SUPT5H: variants seen among roughly 807,000 people sequenced by gnomAD.
The protein encoded by SUPT5H is SPT5 homolog, DSIF elongation factor subunit, also known as transcription elongation factor SPT5.
Under a neutral mutation model 142.5 loss-of-function variants are expected in SUPT5H, and 24 were observed. The ratio of observed to expected loss-of-function variants is 0.17; its 90% CI spans 0.12 to 0.24. SUPT5H has a LOEUF of 0.24. Among genes scored for constraint, SUPT5H ranks in the 10% least tolerant of loss-of-function variants. The pLI, the probability that SUPT5H is intolerant of heterozygous loss-of-function variation, is 1.00. For missense variants in SUPT5H, 893 were observed against 1,471.8 expected (o/e 0.61, Z 6.43); for synonymous variants, 546 against 553.0 (o/e 0.99, Z 0.18).
Position 39,459,540 on chromosome 19 carries a change from CT to C in SUPT5H, c.525-15del. The C allele has an allele frequency of 1.2e-6, 2 of 1,613,794 alleles. No individual in the cohort carries two copies. The highest frequency in any genetic ancestry group is 1.7e-6 in the Non-Finnish European group (2 of 1,179,870). ...AGATCCAGCTTCACTGAAGGCCTTC[CT>C]TTTCCTCTGCTGCTTAGGGATCCCA... On this transcript the variant is annotated intron_variant, in intron 8 of 29. Transcript: ENST00000432763.
rs182807379 is a variant in SUPT5H at position 39,455,490 on chromosome 19, A to T, written c.241+1969A>T. Among the ~76,000 whole-genome samples, 57 of 151,448 alleles carry T rather than the reference A, an allele frequency of 3.8e-4. No homozygotes were observed. In the East Asian group the frequency reaches 0.011, roughly 29 times the overall value. On this transcript the variant is annotated intron_variant, in intron 3 of 29. Coordinates refer to ENST00000432763, the MANE Select transcript of SUPT5H (RefSeq NM_001111020.3). The stretch of plus-strand genomic sequence containing the variant: ...GGCAGGAGAATTGCTTGAACCCGGG[A>T]GGTGGAGGTTGCAGTGAGCCGAGAT...
At chr19:39,465,336 C>T (rs1449299900) in intron 11 of SUPT5H, among the ~76,000 whole-genome samples, 41 of 152,174 alleles carry the variant, frequency 2.7e-4, no homozygotes, top group Non-Finnish European at 1.0e-4. Context: ...TAGGATGGCA[C>T]AGTCACTGGC....
In SUPT5H at chr19:39,466,658, G is replaced by T; in HGVS notation, c.967-17G>T. Reference sequence around the variant, plus strand: ...CCCCTCCCTCACCCTTCCCACCCATGCCCCTTTCCTCCATAGAAAGACTGG... The same window carrying T: ...CCCCTCCCTCACCCTTCCCACCCATTCCCCTTTCCTCCATAGAAAGACTGG... On this transcript the variant is annotated splice_polypyrimidine_tract_variant and intron_variant, in intron 12 of 29. Coordinates refer to ENST00000432763, the MANE Select transcript of SUPT5H (RefSeq NM_001111020.3). The surrounding 1 kb of genome is among the most constrained non-coding windows in gnomAD (Gnocchi z 4.3). 6.2e-7 allele frequency: 1 copy of T among 1,611,372 alleles called. No homozygotes were observed. The highest frequency in any genetic ancestry group is 8.5e-7 in the Non-Finnish European group (1 of 1,177,546).
chr19:39,470,044 C>G lies in SUPT5H; in HGVS notation c.1375-75C>G. 1 of 1,554,950 alleles carries G rather than the reference C, an allele frequency of 6.4e-7. No homozygotes were observed. Among genetic ancestry groups the G allele is most frequent in the South Asian group, 1.2e-5 (1 of 85,226 alleles). On this transcript the variant is annotated intron_variant, in intron 16 of 29. Transcript: ENST00000432763. The surrounding 1 kb of genome is among the most constrained non-coding windows in gnomAD (Gnocchi z 5.8). ...GGGTTTTTGAGAACATGCGTAGATT[C>G]TGAAGACAGGAGGGGCAGGCAGGTT...
At position 39,458,381 on chromosome 19, in the gene SUPT5H, C is replaced by A; in HGVS notation, c.319+76C>A. 6.2e-7 allele frequency: 1 copy of A among 1,601,086 alleles called. No homozygotes were observed. The highest frequency in any genetic ancestry group is 8.5e-7 in the Non-Finnish European group (1 of 1,173,494). On this transcript the variant is annotated intron_variant, in intron 5 of 29. Coordinates refer to ENST00000432763, the MANE Select transcript of SUPT5H (RefSeq NM_001111020.3). The surrounding 1 kb of genome is among the most constrained non-coding windows in gnomAD (Gnocchi z 4.2). ...TTTCCTCCTTCCTGAGGCACCTGCC[C>A]TCACCGGTAGCCTCCCCACCAGCCC...
Position 39,469,601 on chromosome 19 carries a change from G to C in SUPT5H, c.1374+203G>C. The C allele has an allele frequency of 1.5e-6, 1 of 675,114 alleles. No individual in the cohort carries two copies. Among genetic ancestry groups the C allele is most frequent in the South Asian group, 1.9e-5 (1 of 53,236 alleles). The allele number at this position is 675,114 out of a possible 1,614,324, so 41.8% of individuals were successfully genotyped here. ...GCAGCAGGCCTGCCTGGTGGTGTCTGTCTCTGGAGAGTGACTTGGTCTATC... is the reference window on the plus strand; with the variant it reads ...GCAGCAGGCCTGCCTGGTGGTGTCTCTCTCTGGAGAGTGACTTGGTCTATC... On this transcript the variant is annotated intron_variant, in intron 16 of 29. Coordinates refer to ENST00000432763, the MANE Select transcript of SUPT5H (RefSeq NM_001111020.3). This position sits in a 1 kb window ranked among gnomAD's most constrained non-coding sequence, Gnocchi z 5.1.
At chr19:39,465,080 G>A (rs1320225465) in intron 11 of SUPT5H, 31 bp downstream of exon 11, 1 of 1,596,158 alleles carries the variant, frequency 6.3e-7, no homozygotes, top group Admixed American at 1.7e-5. Flanking sequence ...TGGGGGTCAG[G>A]GTCCCTCCAT....
intron 10 of SUPT5H, 23 bp from the exon 11 acceptor site, chr19:39,464,775 C>T (rs1329365201): frequency 6.3e-7 from 1 of 1,577,218 alleles, no homozygotes; most frequent in Non-Finnish European, 8.7e-7. Context: ...ACTGTTTCCT[C>T]CTTCCACCGG....
chr19:39,458,768 C>G lies in SUPT5H; in HGVS notation c.320-50C>G. ...CTGCACGCTCCTATTTTCTCCAGGC[C>G]CCTGCCCTCCACCTGCCCTTGCTCA... On this transcript the variant is annotated intron_variant, in intron 5 of 29. Transcript: ENST00000432763. The surrounding 1 kb of genome is among the most constrained non-coding windows in gnomAD (Gnocchi z 4.2). The G allele has an allele frequency of 6.5e-7, 1 of 1,548,576 alleles. No homozygotes were observed. Among genetic ancestry groups the G allele is most frequent in the South Asian group, 1.2e-5 (1 of 83,616 alleles).
At chr19:39,455,900 C>T (rs1312543189) in intron 3 of SUPT5H, among the ~76,000 whole-genome samples, 6 of 141,298 alleles carry the variant, frequency 4.2e-5, no homozygotes, top group Non-Finnish European at 7.6e-5. Context: ...GGATTACAGG[C>T]GTGAACCACT....
rs1453648784 is a variant in SUPT5H, at chr19:39,474,037, A to G, written c.2567A>G (p.Asn856Ser). 4 of 1,612,976 alleles carry G rather than the reference A, an allele frequency of 2.5e-6. No homozygotes were observed. The highest frequency in any genetic ancestry group is 1.3e-5 in the African/African-American group (1 of 74,872). Residue 856 changes from asparagine to serine, a missense_variant, in exon 26 of 30, where the codon AAT (asparagine) becomes AGT (serine). By Grantham distance (46) the Asn-to-Ser change is conservative. Around this residue, in one of 6 missense-constraint regions of SUPT5H, gnomAD observed 336 missense variants for 546.5 expected, o/e 0.61. Coordinates refer to ENST00000432763, the MANE Select transcript of SUPT5H (RefSeq NM_001111020.3). This position sits in a 1 kb window ranked among gnomAD's most constrained non-coding sequence, Gnocchi z 6.5. ...CCGCAGGCCTATGGGGGAACCCCCA[A>G]TCCCCAAACACCTGGCTACCCAGAC... Reference protein sequence around the residue: ...PSPQAYGGTPNPQTPGYPDPS... With the variant: ...PSPQAYGGTPSPQTPGYPDPS...
In SUPT5H at chr19:39,470,356, C is replaced by G; in HGVS notation, c.1531-21C>G. Reference sequence around the variant, plus strand: ...GCGAGCCACCTGGACTGGGCCTCACCCCTTTCACCATCCCTGGCAGCTGAA... The same window carrying G: ...GCGAGCCACCTGGACTGGGCCTCACGCCTTTCACCATCCCTGGCAGCTGAA... On this transcript the variant is annotated intron_variant, in intron 17 of 29. Coordinates refer to ENST00000432763, the MANE Select transcript of SUPT5H (RefSeq NM_001111020.3). This position sits in a 1 kb window ranked among gnomAD's most constrained non-coding sequence, Gnocchi z 5.8. The G allele has an allele frequency of 6.4e-7, 1 of 1,550,682 alleles. No individual in the cohort carries two copies. The highest frequency in any genetic ancestry group is 2.3e-5 in the East Asian group (1 of 43,238).
At chr19:39,468,472 T>C (rs185756480) in intron 13 of SUPT5H, 3 of 491,120 alleles carry the variant, frequency 6.1e-6, no homozygotes, top group African/African-American at 5.8e-5. Context: ...CCTGACCTTC[T>C]GGAGCTGACA....
Position 39,458,016 on chromosome 19 carries a change from C to G in SUPT5H, c.307+276C>G, listed in dbSNP as rs2079113015. ...CTTCTGGGGTTGTAGGGTGGGCGAGCTCTGTCCCAAGATACCCCCCACTTC... is the reference window on the plus strand; with the variant it reads ...CTTCTGGGGTTGTAGGGTGGGCGAGGTCTGTCCCAAGATACCCCCCACTTC... On this transcript the variant is annotated intron_variant, in intron 4 of 29. Transcript: ENST00000432763. This position sits in a 1 kb window ranked among gnomAD's most constrained non-coding sequence, Gnocchi z 4.2. 1.4e-6 allele frequency: 1 copy of G among 740,142 alleles called. No individual in the cohort carries two copies. The highest frequency in any genetic ancestry group is 2.4e-5 in the Admixed American group (1 of 42,126). 45.8% of individuals were successfully genotyped at this position (740,142 alleles called of 1,614,324 possible).
chr19:39,456,099 T>G (rs1313891482), intron 3 of SUPT5H, among the ~76,000 whole-genome samples: 1 of 151,396 alleles, frequency 6.6e-6, no homozygotes, highest in Non-Finnish European at 1.5e-5. Context: ...GTGTTTTTAG[T>G]AGAGACGGGG....
intron 3 of SUPT5H, among the ~76,000 whole-genome samples, chr19:39,457,041 T>C (rs2079099926): frequency 1.3e-5 from 2 of 152,260 alleles, no homozygotes; most frequent in East Asian, 3.8e-4. Context: ...TTTAGTGTAA[T>C]GTTTGATACC....
At chr19:39,465,845 T>A (rs1245550705) in intron 11 of SUPT5H, among the ~76,000 whole-genome samples, 1 of 152,220 alleles carries the variant, frequency 6.6e-6, no homozygotes, top group Non-Finnish European at 1.5e-5. Context: ...CTAATACACG[T>A]TGAGTGTCTC....
intron 3 of SUPT5H, 127 bp from the exon 4 acceptor site, chr19:39,457,548 G>A (rs1811823959): frequency 1.4e-5 from 21 of 1,495,896 alleles, no homozygotes; most frequent in Non-Finnish European, 1.9e-5. Context: ...CCTCCCTGTT[G>A]GAGCCTCAGT....
intron 2 of SUPT5H, 43 bp from the exon 3 acceptor site, chr19:39,453,313 G>A (rs773933502): frequency 6.5e-7 from 1 of 1,542,796 alleles, no homozygotes; most frequent in South Asian, 1.2e-5. Flanking sequence ...GGATTTTTGG[G>A]GTAGCAGAAT....
Sources: gnomAD v4.1 joint callset for allele counts (sites outside exome capture counted in the v4.1 genomes callset) on GRCh38, gnomAD v4.1.1 for gene constraint, gnomAD v4.1.1 regional missense constraint, Gnocchi (gnomAD v3.1) non-coding constraint, MANE v1.5 for transcripts, NCBI Gene and HGNC (gene_info 2026-07-23, HGNC 2026-07-21) for gene names.